Variants in ADCY2 observed in about 807,000 individuals in gnomAD.
ADCY2 encodes adenylate cyclase type 2.
In ADCY2, 31 loss-of-function variants were observed where a neutral mutation model predicts 125.2. The ratio of observed to expected loss-of-function variants is 0.25; its 90% CI spans 0.19 to 0.33. ADCY2 has a LOEUF of 0.33. Ranked by LOEUF, ADCY2 falls within the 10% of genes least tolerant of loss-of-function variation. ADCY2 has a pLI of 1.00. For synonymous variants in ADCY2, 512 were observed against 548.4 expected (o/e 0.93, Z 0.93); for missense variants, 904 against 1,418.2 (o/e 0.64, Z 5.82).
intron 24 of ADCY2, among the ~76,000 whole-genome samples, chr5:7,824,435 T>A (rs1745403383): frequency 6.6e-6 from 1 of 152,150 alleles, no homozygotes; most frequent in African/African-American, 2.4e-5. Flanking sequence ...TTAGCACCAG[T>A]AAATACCTCA....
chr5:7,555,061 G>A (rs183124892), intron 3 of ADCY2, among the ~76,000 whole-genome samples: 16 of 152,278 alleles, frequency 1.1e-4, no homozygotes, highest in Non-Finnish European at 1.9e-4. Context: ...CCATGAATAC[G>A]TGAGTGGGTG....
intron 14 of ADCY2, among the ~76,000 whole-genome samples, chr5:7,739,754 G>A (rs10462645): frequency 0.99 from 150,891 of 151,962 alleles, 74,919 homozygotes; most frequent in Middle Eastern, 1. Context: ...TACAGACTCT[G>A]TAGATATTAA....
chr5:7,777,038 C>T (rs1269912165), intron 18 of ADCY2, among the ~76,000 whole-genome samples: 4 of 146,092 alleles, frequency 2.7e-5, no homozygotes, highest in Non-Finnish European at 4.6e-5. Flanking sequence ...AGCCAATTCT[C>T]GGTAATAAAC....
At chr5:7,818,677 C>G (rs1354397186) in intron 23 of ADCY2, among the ~76,000 whole-genome samples, 2 of 152,086 alleles carry the variant, frequency 1.3e-5, no homozygotes, top group African/African-American at 2.4e-5. Flanking sequence ...ATTTTTCTTT[C>G]TACTTTCTCA....
intron 3 of ADCY2, chr5:7,611,237 T>C (rs1737563698): frequency 6.6e-6 from 1 of 152,222 alleles, no homozygotes; most frequent in Admixed American, 6.5e-5. Flanking sequence ...TATTAAATCA[T>C]AAGAAATATA....
At chr5:7,552,414 C>T (rs1212734733) in intron 3 of ADCY2, among the ~76,000 whole-genome samples, 1 of 152,160 alleles carries the variant, frequency 6.6e-6, no homozygotes, top group Non-Finnish European at 1.5e-5. Context: ...TAAGGAGAAG[C>T]TGTATTTCTT....
intron 3 of ADCY2, among the ~76,000 whole-genome samples, chr5:7,536,980 TTAAAG>T (rs530747206): frequency 9.5e-4 from 144 of 152,174 alleles, no homozygotes; most frequent in African/African-American, 3.0e-3. Context: ...AAAATTTGAC[TTAAAG>T]TAATCAATAA....
chr5:7,709,137 A>G lies in ADCY2; in HGVS notation c.1402-74A>G, dbSNP rs986277454. 2.8e-6 allele frequency: 4 copies of G among 1,430,534 alleles called. No individual in the cohort carries two copies. The highest frequency in any genetic ancestry group is 2.5e-5 in the Admixed American group (1 of 40,546). 88.6% of individuals were successfully genotyped at this position (1,430,534 alleles called of 1,614,324 possible). A position where few individuals can be genotyped will look rare whatever the true frequency, so the allele number is the denominator to read the frequency against. On this transcript the variant is annotated intron_variant, in intron 9 of 24. Coordinates refer to ENST00000338316, the MANE Select transcript of ADCY2 (RefSeq NM_020546.3). This position sits in a 1 kb window ranked among gnomAD's most constrained non-coding sequence, Gnocchi z 4.4. ...TGTCAGGAGGAATGACCCTAGTCCA[A>G]TGAGGTCGATGCCAAAAGGATCATG...
chr5:7,519,550 GT>G (rs1439983930), intron 2 of ADCY2, among the ~76,000 whole-genome samples: 1 of 152,120 alleles, frequency 6.6e-6, no homozygotes, highest in Non-Finnish European at 1.5e-5. Flanking sequence ...CCTTTTTGAT[GT>G]TCTTCTATCT....
chr5:7,725,994 C>T (rs753834610), intron 13 of ADCY2, among the ~76,000 whole-genome samples: 2 of 152,132 alleles, frequency 1.3e-5, no homozygotes, highest in South Asian at 2.1e-4. Context: ...TCAGCCTGCC[C>T]GTCAGAGCAT....
chr5:7,801,456 A>G (rs1744591960), intron 20 of ADCY2: 3 of 152,198 alleles, frequency 2.0e-5, no homozygotes. Flanking sequence ...CAGGGGTCTG[A>G]GGACCCCTTG....
chr5:7,773,009 G>C lies in ADCY2; in HGVS notation c.2292G>C (p.Leu764Phe), dbSNP rs1743601335. 1 of 1,614,058 alleles carries C rather than the reference G, an allele frequency of 6.2e-7. No individual in the cohort carries two copies. Among genetic ancestry groups the C allele is most frequent in the South Asian group, 1.1e-5 (1 of 91,086 alleles). The change falls in exon 18 of 25, where the codon TTG becomes TTC. Residue 764 changes from leucine to phenylalanine, a missense_variant. By Grantham distance (22) the Leu-to-Phe change is conservative. Coordinates refer to ENST00000338316, the MANE Select transcript of ADCY2 (RefSeq NM_020546.3). Reference protein sequence around the residue: ...FLRVNYELKMLIMMVALVGYN... With the variant: ...FLRVNYELKMFIMMVALVGYN... Reference sequence around the variant, plus strand: ...GGGTAAACTATGAGCTGAAGATGTTGATCATGATGGTGGCCTTGGTGGGCT... The same window carrying C: ...GGGTAAACTATGAGCTGAAGATGTTCATCATGATGGTGGCCTTGGTGGGCT...
chr5:7,770,298 T>G (rs1470807711), intron 17 of ADCY2, among the ~76,000 whole-genome samples: 1 of 152,208 alleles, frequency 6.6e-6, no homozygotes, highest in Non-Finnish European at 1.5e-5. Context: ...TGAAAAACTT[T>G]AAAAATTTAC....
intron 4 of ADCY2, among the ~76,000 whole-genome samples, chr5:7,627,206 A>T (rs1738163759): frequency 6.6e-6 from 1 of 152,110 alleles, no homozygotes; most frequent in African/African-American, 2.4e-5. Context: ...GGGAGGAGCC[A>T]GGTGTCGTTG....
intron 3 of ADCY2, among the ~76,000 whole-genome samples, chr5:7,606,865 C>T (rs1201531160): frequency 2.0e-5 from 3 of 152,090 alleles, no homozygotes; most frequent in East Asian, 1.9e-4. Context: ...TTAGAAGTTA[C>T]AGGAAAATCT....
At chr5:7,567,659 A>G (rs1208460118) in intron 3 of ADCY2, among the ~76,000 whole-genome samples, 1 of 151,822 alleles carries the variant, frequency 6.6e-6, no homozygotes, top group Non-Finnish European at 1.5e-5. Flanking sequence ...GGAAATTCAA[A>G]CTCTACCAGT....
At chr5:7,737,082 A>C (rs1579373774) in intron 14 of ADCY2, among the ~76,000 whole-genome samples, 1 of 152,296 alleles carries the variant, frequency 6.6e-6, no homozygotes, top group South Asian at 2.1e-4. Flanking sequence ...CTAGGTTTCT[A>C]CCTAACTATT....
intron 2 of ADCY2, among the ~76,000 whole-genome samples, chr5:7,502,763 C>T (rs116504004): frequency 7.2e-4 from 109 of 152,270 alleles, no homozygotes; most frequent in African/African-American, 2.6e-3. Flanking sequence ...GACCCTGATA[C>T]TCATCTAGCT....
At chr5:7,768,404 G>A (rs1386189382) in intron 17 of ADCY2, among the ~76,000 whole-genome samples, 1 of 152,100 alleles carries the variant, frequency 6.6e-6, no homozygotes, top group East Asian at 1.9e-4. Flanking sequence ...ATCCAATGGC[G>A]TTAGCATCCA....
Sources: gnomAD v4.1 joint callset for allele counts (sites outside exome capture counted in the v4.1 genomes callset) on GRCh38, gnomAD v4.1.1 for gene constraint, Gnocchi (gnomAD v3.1) non-coding constraint, MANE v1.5 for transcripts, NCBI Gene and HGNC (gene_info 2026-07-23, HGNC 2026-07-21) for gene names.